The following NDFIP1 variants were observed in gnomAD, a reference collection of about 807,000 sequenced individuals.
NDFIP1 encodes the protein NEDD4 family-interacting protein 1.
In NDFIP1, 7 loss-of-function variants were observed where a neutral mutation model predicts 28.8. The ratio of observed to expected loss-of-function variants is 0.24; its 90% CI spans 0.14 to 0.46. The LOEUF (loss-of-function observed/expected upper bound fraction) is 0.46, where lower values mean the gene tolerates loss of function less well. NDFIP1 is among the 20% of genes least tolerant of loss of function. NDFIP1 has a pLI of 0.99. For missense variants in NDFIP1, 194 were observed against 269.1 expected, an observed-to-expected ratio of 0.72 and a Z score of 1.95; for synonymous variants, 92 against 101.0, an observed-to-expected ratio of 0.91 and a Z score of 0.53.
At chr5:142,122,201 C>T (rs1295661871) in intron 1 of NDFIP1, among the ~76,000 whole-genome samples, 10 of 152,194 alleles carry the variant, frequency 6.6e-5, no homozygotes, top group Admixed American at 6.5e-4. Context: ...AGTCACTCTC[C>T]TCCCGGGACA....
At chr5:142,120,108 A>G (rs1276057431) in intron 1 of NDFIP1, among the ~76,000 whole-genome samples, 3 of 152,150 alleles carry the variant, frequency 2.0e-5, no homozygotes, top group Non-Finnish European at 4.4e-5. Flanking sequence ...GGCACGCACC[A>G]CAATGTCCAG....
Position 142,153,336 on chromosome 5 carries a change from C to T in NDFIP1, c.*1608C>T. On this transcript the variant is annotated 3_prime_UTR_variant, in exon 8 of 8. Transcript: ENST00000253814. The stretch of plus-strand genomic sequence containing the variant: ...GGTCAAATTACTACACAAATCAGCA[C>T]CAGCACAGTCTGATAGCTGCAAATG... The T allele has an allele frequency of 2.2e-6, 1 of 456,596 alleles. No homozygotes were observed. The highest frequency in any genetic ancestry group is 1.5e-5 in the South Asian group (1 of 64,562). The allele number at this position is 456,596 out of a possible 1,614,324, so 28.3% of individuals were successfully genotyped here.
At chr5:142,141,169 T>A (rs1481195898) in intron 6 of NDFIP1, among the ~76,000 whole-genome samples, 3 of 7,064 alleles carry the variant, frequency 4.2e-4, no homozygotes, top group African/African-American at 3.5e-3. Context: ...GCAAGAGGAC[T>A]TTTTTTTTTT....
intron 1 of NDFIP1, among the ~76,000 whole-genome samples, chr5:142,109,982 G>A (rs892483683): frequency 3.9e-4 from 60 of 152,276 alleles, no homozygotes; most frequent in African/African-American, 1.4e-3. Flanking sequence ...TGCTTTCGGT[G>A]CATACAGATG....
chr5:142,119,265 C>T (rs1472593653), intron 1 of NDFIP1, among the ~76,000 whole-genome samples: 1 of 152,230 alleles, frequency 6.6e-6, no homozygotes, highest in Admixed American at 6.5e-5. Flanking sequence ...CATCCATTTA[C>T]ATCATTCTTC....
intron 6 of NDFIP1, 94 bp from the exon 7 acceptor site, chr5:142,144,477 A>G (rs934497362): frequency 1.2e-5 from 11 of 886,408 alleles, no homozygotes; most frequent in Admixed American, 2.3e-5. Context: ...TAGCAGAAAA[A>G]TAACAATGTA....
At chr5:142,117,358 C>T (rs942612958) in intron 1 of NDFIP1, among the ~76,000 whole-genome samples, 1 of 151,754 alleles carries the variant, frequency 6.6e-6, no homozygotes, top group African/African-American at 2.4e-5. Flanking sequence ...ATTCTCCTGC[C>T]TCAGTCTCCT....
chr5:142,125,220 C>T (rs1457124654), intron 1 of NDFIP1, among the ~76,000 whole-genome samples: 4 of 150,024 alleles, frequency 2.7e-5, no homozygotes, highest in South Asian at 2.1e-4. Context: ...CACATTTTGT[C>T]GATCCCTTCG....
intron 6 of NDFIP1, among the ~76,000 whole-genome samples, chr5:142,141,437 A>G (rs913262676): frequency 5.3e-5 from 8 of 151,796 alleles, no homozygotes; most frequent in African/African-American, 1.9e-4. Context: ...CGGCCTCCCA[A>G]AGTGCTGGGA....
rs10684292 is a variant in NDFIP1, at chr5:142,149,434, CT to C, written c.*3-2276del. ...AAATGATCTGTAGGCTATTGGATTCCTTTTTTTTTTTTTTTTTTTTTACAAA... is the reference window on the plus strand; with the variant it reads ...AAATGATCTGTAGGCTATTGGATTCCTTTTTTTTTTTTTTTTTTTTACAAA... On this transcript the variant is annotated intron_variant, in intron 7 of 7. Coordinates refer to ENST00000253814, the MANE Select transcript of NDFIP1 (RefSeq NM_030571.4). Among the ~76,000 whole-genome samples the C allele has an allele frequency of 5.9e-4, 68 of 114,684 alleles. No homozygotes were observed. The East Asian group carries it at 8.0e-3, about 13-fold the overall frequency. 75.2% of individuals were successfully genotyped at this position (114,684 alleles called of 152,430 possible).
chr5:142,153,854 T>G lies in NDFIP1; in HGVS notation c.*2126T>G, dbSNP rs566696628. ...TTCAGGTCCTTGCGCCTTATTTGGT[T>G]TTGTATATTCAACGAACTGAAATAT... On this transcript the variant is annotated 3_prime_UTR_variant, in exon 8 of 8. Coordinates refer to ENST00000253814, the MANE Select transcript of NDFIP1 (RefSeq NM_030571.4). The G allele has an allele frequency of 6.5e-6, 1 of 153,572 alleles. No homozygotes were observed. Among genetic ancestry groups the G allele is most frequent in the South Asian group, 2.0e-4 (1 of 4,922 alleles). 9.5% of individuals were successfully genotyped at this position (153,572 alleles called of 1,614,324 possible). A position where few individuals can be genotyped will look rare whatever the true frequency, so the allele number is the denominator to read the frequency against.
At position 142,109,043 on chromosome 5, in the gene NDFIP1, C is replaced by T. The variant is rs1487423966; in HGVS notation, c.63+6C>T. 1 of 1,412,762 alleles carries T rather than the reference C, an allele frequency of 7.1e-7. No homozygotes were observed. Among genetic ancestry groups the T allele is most frequent in the Non-Finnish European group, 9.2e-7 (1 of 1,083,156 alleles). The allele number at this position is 1,412,762 out of a possible 1,614,324, so 87.5% of individuals were successfully genotyped here. On this transcript the variant is annotated splice_donor_region_variant and intron_variant, in intron 1 of 7. Coordinates refer to ENST00000253814, the MANE Select transcript of NDFIP1 (RefSeq NM_030571.4). ...GCGGCAGCCGGTACCAGCAGGTAAGCGGCGCCCGACTCCAGCCCCGAACTC... is the reference window on the plus strand; with the variant it reads ...GCGGCAGCCGGTACCAGCAGGTAAGTGGCGCCCGACTCCAGCCCCGAACTC...
chr5:142,135,989 C>G (rs1757271046), intron 4 of NDFIP1, among the ~76,000 whole-genome samples, 172 bp downstream of exon 4: 1 of 152,132 alleles, frequency 6.6e-6, no homozygotes. Context: ...TTTAATATCC[C>G]TTCTCTTTGC....
chr5:142,135,663 A>G (rs1425380651), intron 3 of NDFIP1, 67 bp from the exon 4 acceptor site: 7 of 1,420,240 alleles, frequency 4.9e-6, no homozygotes, highest in Middle Eastern at 3.5e-4. Flanking sequence ...TGCTACTCAA[A>G]TTTAACCCTT....
chr5:142,117,726 G>T (rs1757083561), intron 1 of NDFIP1, among the ~76,000 whole-genome samples: 1 of 101,012 alleles, frequency 9.9e-6, no homozygotes. Context: ...GTGTTCTACA[G>T]GCTTTTTTTT....
chr5:142,130,959 ATT>A (rs1170984627), intron 1 of NDFIP1, among the ~76,000 whole-genome samples: 1 of 146,426 alleles, frequency 6.8e-6, no homozygotes, highest in African/African-American at 2.5e-5. Context: ...ATGAAATTTA[ATT>A]TTTTTTTTTT....
chr5:142,124,709 G>A (rs1368393182), intron 1 of NDFIP1, among the ~76,000 whole-genome samples: 2 of 152,080 alleles, frequency 1.3e-5, no homozygotes, highest in African/African-American at 4.8e-5. Flanking sequence ...TTTTCATTTT[G>A]CTATTGAGAG....
Position 142,131,824 on chromosome 5 carries a change from A to G in NDFIP1, c.80A>G (p.Glu27Gly). 9 of 1,588,972 alleles carry G rather than the reference A, an allele frequency of 5.7e-6. No individual in the cohort carries two copies. Among genetic ancestry groups the G allele is most frequent in the Non-Finnish European group, 7.7e-6 (9 of 1,171,882 alleles). ...TTTATTTAGTTGCAGAATGAAGAAG[A>G]GTCTGGAGAACCTGAACAGGCTGCA... ...SRYQQLQNEEESGEPEQAAGD... is the reference protein window; with the variant it reads ...SRYQQLQNEEGSGEPEQAAGD... Residue 27 changes from glutamate (E) to glycine (G), a missense_variant, in exon 2 of 8, where the codon GAG (glutamate) becomes GGG (glycine). Glu to Gly is a moderately conservative substitution (Grantham distance 98). Transcript: ENST00000253814.
chr5:142,129,890 A>G (rs1216268109), intron 1 of NDFIP1, among the ~76,000 whole-genome samples: 5 of 147,242 alleles, frequency 3.4e-5, no homozygotes, highest in Non-Finnish European at 6.0e-5. Context: ...CAGCCTGGGC[A>G]ACAAAAGCGA....
Sources: allele counts gnomAD v4.1 joint callset (sites outside exome capture counted in the v4.1 genomes callset), GRCh38; gene constraint gnomAD v4.1.1; transcripts MANE v1.5; gene names NCBI Gene and HGNC (gene_info 2026-07-23, HGNC 2026-07-21).